Variants in ERICH1 observed in about 807,000 individuals in gnomAD.
ERICH1 encodes the protein glutamate rich 1, also known as glutamate-rich protein 1.
In ERICH1, 56 loss-of-function variants were observed where a neutral mutation model predicts 39.6. The observed-to-expected ratio is 1.41, with a 90% CI of 1.14 to 1.77. The LOEUF (loss-of-function observed/expected upper bound fraction) is 1.77, where lower values mean the gene tolerates loss of function less well. Ranked by LOEUF, ERICH1 falls within the 40% of genes most tolerant of loss-of-function variation. ERICH1 has a pLI of 0.00. For missense variants in ERICH1, 826 were observed against 575.4 expected (o/e 1.44, Z -4.45); for synonymous variants, 313 against 223.6 (o/e 1.40, Z -3.57).
intron 2 of ERICH1, among the ~76,000 whole-genome samples, chr8:699,793 A>G (rs139157057): frequency 0.027 from 1,684 of 61,854 alleles, 63 homozygotes; most frequent in East Asian, 0.083. Flanking sequence ...ACGCGCACAG[A>G]CCCGCACACG....
In ERICH1 at chr8:683,929, A is replaced by G. The variant is rs1253012963; in HGVS notation, c.304+8549T>C. On this transcript the variant is annotated intron_variant, in intron 3 of 5. Coordinates refer to ENST00000262109, the MANE Select transcript of ERICH1 (RefSeq NM_207332.3). ...TTCCCTGAGACAGACTTTGATACCG[A>G]ATTAATGTCCAAATTTTCTAGATTA... is the stretch of plus-strand genomic sequence containing the variant. 2.0e-5 allele frequency among the ~76,000 whole-genome samples: 3 copies of G among 152,348 alleles called. No individual in the cohort carries two copies. In the East Asian group the frequency reaches 5.8e-4, roughly 29 times the overall value.
chr8:662,919 G>A (rs1801646896), downstream of ERICH1, among the ~76,000 whole-genome samples: 1 of 152,170 alleles, frequency 6.6e-6, no homozygotes, highest in African/African-American at 2.4e-5. Context: ...CTCCCCTGAT[G>A]CCAAAAGACG....
At chr8:642,835 G>C (rs773524809) in intron 3 of ERICH1, among the ~76,000 whole-genome samples, 10 of 152,134 alleles carry the variant, frequency 6.6e-5, no homozygotes, top group Non-Finnish European at 1.2e-4. Flanking sequence ...CTGGGGGCTG[G>C]AAAATTGAGT....
chr8:689,702 C>T lies in ERICH1; in HGVS notation c.304+2776G>A, dbSNP rs1013497589. ...GCACCGTGGCATAGGGACACACTGT[C>T]GTGCTGCTGGGAAGGTGCCCAGCGT... On this transcript the variant is annotated intron_variant, in intron 3 of 5. Transcript: ENST00000262109. Among the ~76,000 whole-genome samples, 29 of 152,288 alleles carry T rather than the reference C, an allele frequency of 1.9e-4. 1 individual carries two copies. Among genetic ancestry groups the T allele is most frequent in the African/African-American group, 5.8e-4 (24 of 41,568 alleles).
Position 731,190 on chromosome 8 carries a change from C to A in ERICH1, c.-29G>T. 1 of 1,492,476 alleles carries A rather than the reference C, an allele frequency of 6.7e-7. No individual in the cohort carries two copies. The highest frequency in any genetic ancestry group is 8.9e-7 in the Non-Finnish European group (1 of 1,123,380). 92.5% of individuals were successfully genotyped at this position (1,492,476 alleles called of 1,614,324 possible). A position where few individuals can be genotyped will look rare whatever the true frequency, so the allele number is the denominator to read the frequency against. On this transcript the variant is annotated 5_prime_UTR_variant, in exon 1 of 6. Transcript: ENST00000262109. The stretch of plus-strand genomic sequence containing the variant: ...GGACCCTGCCGCGGACCTCAGACCA[C>A]GGCGCGCGGTCCTGAGCTGAGCGCC...
At position 673,761 on chromosome 8, in the gene ERICH1, A is replaced by G. The variant is rs372203021; in HGVS notation, c.591T>C (p.Asn197=). 5.0e-5 allele frequency: 80 copies of G among 1,613,980 alleles called. No individual in the cohort carries two copies. Among genetic ancestry groups the G allele is most frequent in the Non-Finnish European group, 6.5e-5 (77 of 1,180,018 alleles). Residue 197 remains asparagine (N), a synonymous_variant, in exon 4 of 6, where the codon AAT becomes AAC. Transcript: ENST00000262109. ...SFMYQPEDSS[N]EGEGVGEACE... ...AAGCCTCTCCCACGCCTTCCCCTTCATTGCTGCTGTCCTCGGGCTGGTACA... is the reference window on the plus strand; with the variant it reads ...AAGCCTCTCCCACGCCTTCCCCTTCGTTGCTGCTGTCCTCGGGCTGGTACA...
intron 3 of ERICH1, among the ~76,000 whole-genome samples, chr8:681,758 G>C (rs1255616832): frequency 6.6e-6 from 1 of 152,206 alleles, no homozygotes; most frequent in East Asian, 1.9e-4. Flanking sequence ...CTTACATCTG[G>C]GTGGAAAGAT....
At chr8:642,516 T>G (rs1286568348) in intron 3 of ERICH1, among the ~76,000 whole-genome samples, 2 of 151,992 alleles carry the variant, frequency 1.3e-5, no homozygotes, top group Non-Finnish European at 2.9e-5. Context: ...GGCTAATTTT[T>G]TGTATTTTTA....
chr8:719,513 G>A (rs1285545112), intron 1 of ERICH1, among the ~76,000 whole-genome samples: 1 of 152,234 alleles, frequency 6.6e-6, no homozygotes, highest in East Asian at 1.9e-4. Context: ...GAGGTCTGCT[G>A]GGTTTCTCCC....
At chr8:687,050 T>A (rs530410166) in intron 3 of ERICH1, among the ~76,000 whole-genome samples, 1 of 152,238 alleles carries the variant, frequency 6.6e-6, no homozygotes, top group Non-Finnish European at 1.5e-5. Context: ...GCCACGATTC[T>A]GTCAAAACAG....
intron 1 of ERICH1, among the ~76,000 whole-genome samples, chr8:722,752 T>A (rs571124685): frequency 1.3e-5 from 2 of 152,206 alleles, no homozygotes; most frequent in African/African-American, 4.8e-5. Flanking sequence ...AGTGTGACTT[T>A]CAGAGAAAAT....
chr8:669,036 C>T (rs1802752165), intron 4 of ERICH1: 3 of 506,350 alleles, frequency 5.9e-6, no homozygotes, highest in South Asian at 2.7e-5. Context: ...TCCCCTGGCC[C>T]ATCTACACCT....
chr8:693,146 GAC>G (rs1244921830), intron 2 of ERICH1, among the ~76,000 whole-genome samples: 7 of 151,302 alleles, frequency 4.6e-5, no homozygotes, highest in Non-Finnish European at 7.4e-5. Flanking sequence ...GATACAAACA[GAC>G]ACAGAGACAC....
chr8:615,332 C>G (rs767916219), intron 3 of ERICH1: 16 of 633,844 alleles, frequency 2.5e-5, no homozygotes, highest in Non-Finnish European at 4.2e-5. Flanking sequence ...CATTTTAATA[C>G]AATGTTTATT....
chr8:730,997 G>T, intron 1 of ERICH1, 143 bp downstream of exon 1: 4 of 981,030 alleles, frequency 4.1e-6, no homozygotes, highest in Non-Finnish European at 5.4e-6. Context: ...GATGGGTAGG[G>T]ACTGGGGTGG....
At chr8:693,510 C>G (rs1005962970) in intron 2 of ERICH1, among the ~76,000 whole-genome samples, 1 of 152,242 alleles carries the variant, frequency 6.6e-6, no homozygotes, top group Non-Finnish European at 1.5e-5. Context: ...CTGCAGACGG[C>G]TGCTGGAACC....
At chr8:726,507 T>A (rs528076159) in intron 1 of ERICH1, among the ~76,000 whole-genome samples, 2 of 89,884 alleles carry the variant, frequency 2.2e-5, no homozygotes, top group African/African-American at 4.5e-5. Flanking sequence ...CACATATACA[T>A]AGGCAAACAG....
At chr8:623,534 A>G (rs1168286615) in intron 3 of ERICH1, among the ~76,000 whole-genome samples, 1 of 152,206 alleles carries the variant, frequency 6.6e-6, no homozygotes, top group Non-Finnish European at 1.5e-5. Context: ...TAAAAATTGT[A>G]TATATTTAGG....
chr8:684,843 G>A (rs1806936321), intron 3 of ERICH1, among the ~76,000 whole-genome samples: 1 of 152,122 alleles, frequency 6.6e-6, no homozygotes, highest in African/African-American at 2.4e-5. Flanking sequence ...CAAAGGGGAG[G>A]GAGTGTACAA....
Sources: gnomAD v4.1 joint callset for allele counts (sites outside exome capture counted in the v4.1 genomes callset) on GRCh38, gnomAD v4.1.1 for gene constraint, MANE v1.5 for transcripts, NCBI Gene and HGNC (gene_info 2026-07-23, HGNC 2026-07-21) for gene names.